The following HOMER3 variants were observed in gnomAD, a reference collection of about 807,000 sequenced individuals.
The protein encoded by HOMER3 is homer protein homolog 3.
HOMER3 carries 34 observed loss-of-function variants against 45.5 expected under a neutral mutation model. The ratio of observed to expected loss-of-function variants is 0.75; its 90% CI spans 0.57 to 1.00. The LOEUF (loss-of-function observed/expected upper bound fraction) is 1.00. HOMER3 is among the 50% of genes least tolerant of loss of function. HOMER3 has a pLI of 0.00. For missense variants in HOMER3, 480 were observed against 497.5 expected, an observed-to-expected ratio of 0.96 and a Z score of 0.33; for synonymous variants, 223 against 208.8, an observed-to-expected ratio of 1.07 and a Z score of -0.58.
chr19:18,939,514 A>T (rs1437803733), intron 1 of HOMER3: 1 of 153,022 alleles, frequency 6.5e-6, no homozygotes. Context: ...CAGAGCAAGC[A>T]GACCCCATCT....
At chr19:18,932,264 C>G in intron 6 of HOMER3, 132 bp from the exon 7 acceptor site, 4 of 536,762 alleles carry the variant, frequency 7.5e-6, no homozygotes, top group Non-Finnish European at 9.9e-6. Context: ...GGCGAGGGTG[C>G]GGAGTCGTGC....
chr19:18,936,552 A>G (rs1189401432), intron 4 of HOMER3, among the ~76,000 whole-genome samples: 2 of 149,812 alleles, frequency 1.3e-5, no homozygotes, highest in East Asian at 4.0e-4. Context: ...TGTAATCCCA[A>G]CTACTTGGGA....
At chr19:18,935,433 G>A (rs2057081758) in intron 4 of HOMER3, among the ~76,000 whole-genome samples, 1 of 151,404 alleles carries the variant, frequency 6.6e-6, no homozygotes, top group African/African-American at 2.5e-5. Flanking sequence ...AACATGTGGG[G>A]TCCCTTTTAA....
intron 2 of HOMER3, 30 bp from the exon 3 acceptor site, chr19:18,938,914 C>T: frequency 2.5e-6 from 4 of 1,605,988 alleles, no homozygotes; most frequent in East Asian, 4.5e-5. Flanking sequence ...TTGGTGGGGG[C>T]CAGGCACCCC....
intron 5 of HOMER3, 99 bp downstream of exon 5, chr19:18,934,204 G>T: frequency 1.6e-6 from 1 of 631,340 alleles, no homozygotes; most frequent in Non-Finnish European, 2.5e-6. Context: ...GACCAGCAGA[G>T]TGCCCCGGTC....
At chr19:18,933,115 G>T (rs1021955754) in intron 5 of HOMER3, 70 bp from the exon 6 acceptor site, 4 of 1,402,890 alleles carry the variant, frequency 2.9e-6, no homozygotes, top group Non-Finnish European at 2.8e-6. Flanking sequence ...GACTGGGGTC[G>T]TCACATCGGG....
rs1367623102 is a variant in HOMER3 at position 18,929,379 on chromosome 19, C to G, written c.*64G>C. 1 of 1,555,596 alleles carries G rather than the reference C, an allele frequency of 6.4e-7. No individual in the cohort carries two copies. Among genetic ancestry groups the G allele is most frequent in the Admixed American group, 1.8e-5 (1 of 56,630 alleles). On this transcript the variant is annotated 3_prime_UTR_variant, in exon 10 of 10. Coordinates refer to ENST00000392351, the MANE Select transcript of HOMER3 (RefSeq NM_004838.4). ...CCCTTTCCAGGACGAATGGGCCCAA[C>G]TATGCCGCCTGCAGCCTGGCCCGCA...
intron 4 of HOMER3, among the ~76,000 whole-genome samples, chr19:18,937,861 G>C (rs1347463180): frequency 6.6e-6 from 1 of 151,952 alleles, no homozygotes; most frequent in Admixed American, 6.6e-5. Context: ...CCAAAGAGGA[G>C]CAGGGTGTGT....
In HOMER3 at chr19:18,929,567, GCCT is replaced by G. The variant is rs1329755014; in HGVS notation, c.959_961del (p.Glu320del). 1.2e-5 allele frequency: 19 copies of G among 1,549,754 alleles called. No homozygotes were observed. The highest frequency in any genetic ancestry group is 2.4e-5 in the South Asian group (2 of 84,464). ...CCGCGCCCGCTCCCGCTCTGCCCGT[GCCT>G]CCTCCAGGCTGCGCTCCATCGCCCG... On this transcript the variant is annotated inframe_deletion, in exon 10 of 10. Transcript: ENST00000392351.
intron 1 of HOMER3, chr19:18,939,261 G>C (rs2057129371): frequency 4.6e-6 from 2 of 432,576 alleles, no homozygotes; most frequent in South Asian, 5.4e-5. Flanking sequence ...GCAACATGGC[G>C]AGACCCCATC....
intron 9 of HOMER3, 72 bp downstream of exon 9, chr19:18,931,253 A>T: frequency 7.9e-7 from 1 of 1,263,204 alleles, no homozygotes; most frequent in Non-Finnish European, 1.1e-6. Context: ...CATCTTAGGT[A>T]GATATTGTCC....
intron 6 of HOMER3, 50 bp from the exon 7 acceptor site, chr19:18,932,182 A>G (rs1601275626): frequency 3.3e-6 from 2 of 599,398 alleles, no homozygotes; most frequent in Non-Finnish European, 4.4e-6. Context: ...TGGGGGGCGG[A>G]GTCGGGCGAT....
chr19:18,936,344 A>ATAAG (rs2057093208), intron 4 of HOMER3, among the ~76,000 whole-genome samples: 1 of 148,558 alleles, frequency 6.7e-6, no homozygotes, highest in Admixed American at 6.7e-5. Flanking sequence ...AAATAAATAA[A>ATAAG]TGATTTTTTA....
intron 1 of HOMER3, chr19:18,939,272 T>A (rs1601289810): frequency 2.5e-6 from 1 of 402,754 alleles, no homozygotes; most frequent in Non-Finnish European, 4.4e-6. Context: ...AGACCCCATC[T>A]CTACCAAAAA....
At chr19:18,934,227 G>T (rs1288683404) in intron 5 of HOMER3, 76 bp downstream of exon 5, 11 of 814,710 alleles carry the variant, frequency 1.4e-5, no homozygotes, top group Non-Finnish European at 2.0e-5. Flanking sequence ...CCAATATCAA[G>T]GTCCCCCAAT....
At chr19:18,932,171 C>A (rs1171372160) in intron 6 of HOMER3, 39 bp from the exon 7 acceptor site, 3 of 1,020,278 alleles carry the variant, frequency 2.9e-6, no homozygotes, top group Admixed American at 3.1e-5. Flanking sequence ...TGACACGGGG[C>A]TGGGGGGCGG....
At position 18,941,209 on chromosome 19, in the gene HOMER3, G is replaced by GCC. The variant is rs2057152861; in HGVS notation, c.-228_-227dup. 6.8e-6 allele frequency: 1 copy of GCC among 147,754 alleles called. No homozygotes were observed. 9.2% of individuals were successfully genotyped at this position (147,754 alleles called of 1,614,324 possible). ...CGCCCGTGCCTTTGTCTGCGCCGCC[G>GCC]CCGCCCGCGCCGCCTCCGGTCCCAT... On this transcript the variant is annotated 5_prime_UTR_variant, in exon 1 of 10. Coordinates refer to ENST00000392351, the MANE Select transcript of HOMER3 (RefSeq NM_004838.4).
intron 3 of HOMER3, 56 bp from the exon 4 acceptor site, chr19:18,938,540 A>G: frequency 6.3e-7 from 1 of 1,581,642 alleles, no homozygotes; most frequent in Non-Finnish European, 8.7e-7. Flanking sequence ...CAAACATGAA[A>G]CCCCCCAGGT....
chr19:18,938,918 G>A (rs1568342246), intron 2 of HOMER3, 34 bp from the exon 3 acceptor site: 5 of 1,607,354 alleles, frequency 3.1e-6, no homozygotes, highest in Non-Finnish European at 4.2e-6. Flanking sequence ...TGGGGGCCAG[G>A]CACCCCCACT....
Sources: allele counts gnomAD v4.1 joint callset (sites outside exome capture counted in the v4.1 genomes callset), GRCh38; gene constraint gnomAD v4.1.1; transcripts MANE v1.5; gene names NCBI Gene and HGNC (gene_info 2026-07-23, HGNC 2026-07-21).